COPZ1: variants seen among roughly 807,000 people sequenced by gnomAD.
COPZ1 encodes coatomer subunit zeta-1.
A neutral mutation model predicts 31.7 loss-of-function variants in COPZ1; 4 were observed. The observed-to-expected ratio is 0.13, with a 90% CI of 0.06 to 0.29. The LOEUF (loss-of-function observed/expected upper bound fraction) is 0.29, where lower values mean the gene tolerates loss of function less well. Ranked by LOEUF, COPZ1 falls within the 10% of genes least tolerant of loss-of-function variation. COPZ1 has a pLI of 1.00. For synonymous variants in COPZ1, 74 were observed against 79.0 expected (o/e 0.94, Z 0.33); for missense variants, 156 against 211.5 (o/e 0.74, Z 1.63).
chr12:54,334,543 G>T (rs950152676), intron 1 of COPZ1, among the ~76,000 whole-genome samples: 16 of 151,698 alleles, frequency 1.1e-4, no homozygotes, highest in Middle Eastern at 3.4e-3. Flanking sequence ...AACCCCAGAG[G>T]AGCTTTTAAT....
chr12:54,342,429 C>A, intron 3 of COPZ1, 142 bp downstream of exon 3: 2 of 659,822 alleles, frequency 3.0e-6, no homozygotes, highest in Non-Finnish European at 5.3e-6. Context: ...ATAAACTCTT[C>A]AGAATGTAAT....
At chr12:54,327,061 A>G (rs1332535555) in intron 1 of COPZ1, among the ~76,000 whole-genome samples, 2 of 133,588 alleles carry the variant, frequency 1.5e-5, no homozygotes, top group Admixed American at 8.4e-5. Flanking sequence ...GCTCACTGCA[A>G]CCTCCGCCTC....
Position 54,331,845 on chromosome 12 carries a change from G to A in COPZ1, c.18+6664G>A, listed in dbSNP as rs186324248. On this transcript the variant is annotated intron_variant, in intron 1 of 8. Coordinates refer to ENST00000262061, the MANE Select transcript of COPZ1 (RefSeq NM_016057.3). ...AGTGTTATTTAAGTGAGGGCTCCTG[G>A]ATTACCAAACTGAGAAGGCAGAATG... Among the ~76,000 whole-genome samples, 13 of 152,238 alleles carry A rather than the reference G, an allele frequency of 8.5e-5. 1 individual carries two copies. The highest frequency in any genetic ancestry group is 7.9e-4 in the Admixed American group (12 of 15,282).
Position 54,350,596 on chromosome 12 carries a change from C to T in COPZ1, c.*73C>T. ...TCTGCTGTGAATTTTCATCTAGTTC[C>T]CCAATCGATGCTCTCAGGGTCATCT... On this transcript the variant is annotated 3_prime_UTR_variant, in exon 9 of 9. Transcript: ENST00000262061. 1 of 1,173,346 alleles carries T rather than the reference C, an allele frequency of 8.5e-7. No individual in the cohort carries two copies. The highest frequency in any genetic ancestry group is 1.7e-5 in the Admixed American group (1 of 59,450). 72.7% of individuals were successfully genotyped at this position (1,173,346 alleles called of 1,614,324 possible). A position where few individuals can be genotyped will look rare whatever the true frequency, so the allele number is the denominator to read the frequency against.
At chr12:54,330,508 C>T (rs1592196980) in intron 1 of COPZ1, among the ~76,000 whole-genome samples, 2 of 152,004 alleles carry the variant, frequency 1.3e-5, no homozygotes, top group South Asian at 2.1e-4. Context: ...AAGAGTTGGT[C>T]CCTGGCAAGG....
chr12:54,341,495 TC>T (rs1312268040), intron 2 of COPZ1, among the ~76,000 whole-genome samples: 3 of 152,304 alleles, frequency 2.0e-5, no homozygotes, highest in African/African-American at 7.2e-5. Flanking sequence ...CACCAGCTGT[TC>T]CTCCCTGTAA....
chr12:54,341,029 A>T (rs555829111), intron 2 of COPZ1, among the ~76,000 whole-genome samples: 2 of 152,110 alleles, frequency 1.3e-5, no homozygotes, highest in Non-Finnish European at 2.9e-5. Context: ...TGCCTACTCC[A>T]GATAAAACCT....
intron 1 of COPZ1, among the ~76,000 whole-genome samples, chr12:54,333,263 C>G (rs909059279): frequency 6.6e-6 from 1 of 152,070 alleles, no homozygotes; most frequent in Non-Finnish European, 1.5e-5. Flanking sequence ...CCAGGCTGGC[C>G]TCAAACTCCT....
chr12:54,331,283 C>T (rs1246569537), intron 1 of COPZ1, among the ~76,000 whole-genome samples: 3 of 147,928 alleles, frequency 2.0e-5, no homozygotes, highest in Non-Finnish European at 3.0e-5. Context: ...CAGGTTCAAG[C>T]GATTCTCCTT....
Position 54,350,252 on chromosome 12 carries a change from C to G in COPZ1, c.487-224C>G, listed in dbSNP as rs755294394. ...TTTTTTTCTTTTATACCAGGTATAC[C>G]TCTTCTCTCTTCATCCCCTCAGTGG... On this transcript the variant is annotated intron_variant, in intron 8 of 8. Transcript: ENST00000262061. The G allele has an allele frequency of 2.0e-5, 14 of 710,720 alleles. No homozygotes were observed. In the South Asian group the frequency reaches 2.0e-4, roughly 10 times the overall value. 44.0% of individuals were successfully genotyped at this position (710,720 alleles called of 1,614,324 possible).
intron 1 of COPZ1, among the ~76,000 whole-genome samples, chr12:54,326,999 G>A (rs886081508): frequency 2.6e-4 from 3 of 11,724 alleles, no homozygotes; most frequent in Non-Finnish European, 5.7e-4. Context: ...TTTTTTTTTT[G>A]AGATAGAGTC....
intron 1 of COPZ1, among the ~76,000 whole-genome samples, chr12:54,329,701 A>G (rs1953718091): frequency 6.6e-6 from 1 of 152,218 alleles, no homozygotes; most frequent in Admixed American, 6.5e-5. Context: ...TTTACAGACT[A>G]GACTTCTAAT....
At position 54,334,630 on chromosome 12, in the gene COPZ1, G is replaced by A. The variant is rs113264626; in HGVS notation, c.19-5917G>A. ...GCACTTTGGGAGGATGAGGCGGGTG[G>A]ATCATGAGGTCAGGATATCTAGACC... On this transcript the variant is annotated intron_variant, in intron 1 of 8. Coordinates refer to ENST00000262061, the MANE Select transcript of COPZ1 (RefSeq NM_016057.3). Among the ~76,000 whole-genome samples, 335 of 151,986 alleles carry A rather than the reference G, an allele frequency of 2.2e-3. 3 individuals are homozygous for A. The highest frequency in any genetic ancestry group is 7.6e-3 in the African/African-American group (315 of 41,450).
At chr12:54,340,711 G>A in intron 2 of COPZ1, 96 bp downstream of exon 2, 8 of 1,266,928 alleles carry the variant, frequency 6.3e-6, no homozygotes, top group South Asian at 1.5e-5. Flanking sequence ...ATGTTCCTCA[G>A]TAGTATAATT....
chr12:54,338,047 A>G (rs73113357), intron 1 of COPZ1, among the ~76,000 whole-genome samples: 18,044 of 152,122 alleles, frequency 0.12, 1,340 homozygotes, highest in East Asian at 0.21. Context: ...GCTGGGGGCC[A>G]TTAGGGCTTT....
intron 1 of COPZ1, chr12:54,337,216 C>T (rs185315720): frequency 1.9e-6 from 1 of 534,582 alleles, no homozygotes; most frequent in Non-Finnish European, 3.8e-6. Context: ...ACATCATTTC[C>T]AAGCACGATT....
rs755545956 is a variant in COPZ1 at position 54,325,192 on chromosome 12, G to A, written c.18+11G>A. The A allele has an allele frequency of 6.4e-7, 1 of 1,559,062 alleles. No individual in the cohort carries two copies. The highest frequency in any genetic ancestry group is 8.7e-7 in the Non-Finnish European group (1 of 1,151,878). ...GAGGCGCTGATTTTGGTAGGAGCTG[G>A]AGGGGCAGCAGAGATGCTGTGGTGT... On this transcript the variant is annotated intron_variant, in intron 1 of 8. Transcript: ENST00000262061.
intron 1 of COPZ1, among the ~76,000 whole-genome samples, chr12:54,333,578 A>G (rs938607209): frequency 6.6e-6 from 1 of 152,066 alleles, no homozygotes; most frequent in Non-Finnish European, 1.5e-5. Context: ...ATGGTGGTGC[A>G]TGCCTGTAGT....
chr12:54,334,943 A>T (rs1235617777), intron 1 of COPZ1, among the ~76,000 whole-genome samples: 1 of 152,076 alleles, frequency 6.6e-6, no homozygotes, highest in African/African-American at 2.4e-5. Flanking sequence ...GGAGGCCGAG[A>T]CAGGCAGATT....
Sources: gnomAD v4.1 joint callset for allele counts (sites outside exome capture counted in the v4.1 genomes callset) on GRCh38, gnomAD v4.1.1 for gene constraint, MANE v1.5 for transcripts, NCBI Gene and HGNC (gene_info 2026-07-23, HGNC 2026-07-21) for gene names.